The following PPFIBP1 variants were observed in gnomAD, a reference collection of about 807,000 sequenced individuals.
PPFIBP1 encodes the protein liprin-beta-1.
A neutral mutation model predicts 137.8 loss-of-function variants in PPFIBP1; 112 were observed. The ratio of observed to expected loss-of-function variants is 0.81; its 90% CI spans 0.70 to 0.95. PPFIBP1 has a LOEUF of 0.95. Among genes scored for constraint, PPFIBP1 ranks in the 40% least tolerant of loss-of-function variants. The pLI is 0.00. For synonymous variants in PPFIBP1, 378 were observed against 417.3 expected, an observed-to-expected ratio of 0.91 and a Z score of 1.15; for missense variants, 1,083 against 1,196.6, an observed-to-expected ratio of 0.91 and a Z score of 1.40.
intron 1 of PPFIBP1, among the ~76,000 whole-genome samples, chr12:27,549,965 G>A (rs1251427667): frequency 6.6e-6 from 1 of 152,242 alleles, no homozygotes; most frequent in Non-Finnish European, 1.5e-5. Flanking sequence ...GGACCTAGTG[G>A]TTAAGGACAC....
chr12:27,647,782 G>C lies in PPFIBP1; in HGVS notation c.411G>C (p.Leu137Phe), dbSNP rs2058625597. 6.2e-7 allele frequency: 1 copy of C among 1,611,252 alleles called. No individual in the cohort carries two copies. The highest frequency in any genetic ancestry group is 1.7e-5 in the Admixed American group (1 of 59,544). The change falls in exon 6 of 30, where the codon TTG becomes TTC. Residue 137 changes from leucine (L) to phenylalanine (F), a missense_variant. Leu to Phe is a conservative substitution (Grantham distance 22). Coordinates refer to ENST00000228425, the MANE Select transcript of PPFIBP1 (RefSeq NM_003622.4). Reference protein sequence around the residue: ...VEAQGEKIRDLEFCLEEHREK... With the variant: ...VEAQGEKIRDFEFCLEEHREK... The stretch of plus-strand genomic sequence containing the variant: ...CTCAGGGAGAGAAGATTCGAGATTT[G>C]GAGTTTTGTCTTGAAGAGCACAGAG...
At chr12:27,685,928 G>C (rs985070933) in intron 24 of PPFIBP1, among the ~76,000 whole-genome samples, 1 of 152,082 alleles carries the variant, frequency 6.6e-6, no homozygotes, top group African/African-American at 2.4e-5. Context: ...AGTCTGTTTT[G>C]ATATAAAATA....
Position 27,682,545 on chromosome 12 carries a change from T to A in PPFIBP1, c.2158+47T>A, listed in dbSNP as rs569474622. On this transcript the variant is annotated intron_variant, in intron 23 of 29. Coordinates refer to ENST00000228425, the MANE Select transcript of PPFIBP1 (RefSeq NM_003622.4). ...AAAATGAAATAATTATATACATAGT[T>A]GCTTTTTCTTTTTAATCACAAGAAC... 2.5e-6 allele frequency: 4 copies of A among 1,604,614 alleles called. No individual in the cohort carries two copies. In the East Asian group the frequency reaches 8.9e-5, roughly 36 times the overall value.
intron 4 of PPFIBP1, among the ~76,000 whole-genome samples, chr12:27,644,244 GTTTTTTTTTT>G (rs3842650): frequency 5.9e-5 from 7 of 117,766 alleles, no homozygotes; most frequent in East Asian, 5.5e-4. Flanking sequence ...GCTTGGCTAA[GTTTTTTTTTT>G]TTTTTTTTTT....
At chr12:27,617,573 T>A (rs1377707917) in intron 2 of PPFIBP1, among the ~76,000 whole-genome samples, 1 of 152,230 alleles carries the variant, frequency 6.6e-6, no homozygotes, top group Non-Finnish European at 1.5e-5. Context: ...GTTCCTTATA[T>A]GAAATGATGT....
At chr12:27,692,024 T>C in intron 28 of PPFIBP1, 96 bp downstream of exon 28, 1 of 1,064,274 alleles carries the variant, frequency 9.4e-7, no homozygotes, top group Non-Finnish European at 1.3e-6. Flanking sequence ...GACATTTTCT[T>C]CAAATAACTA....
At chr12:27,574,225 G>A (rs1042683277) in intron 1 of PPFIBP1, among the ~76,000 whole-genome samples, 6 of 152,280 alleles carry the variant, frequency 3.9e-5, no homozygotes, top group African/African-American at 1.4e-4. Context: ...CCATGTGATG[G>A]TTGTGGCTGG....
chr12:27,655,417 A>G (rs185274103), intron 8 of PPFIBP1, among the ~76,000 whole-genome samples: 13 of 152,384 alleles, frequency 8.5e-5, no homozygotes, highest in Admixed American at 8.5e-4. Flanking sequence ...TCAGAAATAC[A>G]TGAAATAATT....
intron 2 of PPFIBP1, among the ~76,000 whole-genome samples, chr12:27,596,314 A>T (rs867364596): frequency 1.3e-5 from 2 of 152,208 alleles, no homozygotes; most frequent in South Asian, 4.1e-4. Flanking sequence ...GTTAAATAAG[A>T]TGTTTAAGGA....
chr12:27,580,068 T>C (rs373343938), intron 2 of PPFIBP1, among the ~76,000 whole-genome samples: 10 of 152,112 alleles, frequency 6.6e-5, no homozygotes, highest in African/African-American at 1.9e-4. Flanking sequence ...ATCTTACCAA[T>C]CAGATCAAGA....
intron 1 of PPFIBP1, among the ~76,000 whole-genome samples, chr12:27,549,794 C>T (rs138610866): frequency 0.012 from 1,782 of 152,264 alleles, 18 homozygotes; most frequent in Non-Finnish European, 0.014. Flanking sequence ...CACAACTGCC[C>T]CGCCCTCTCC....
intron 4 of PPFIBP1, 53 bp downstream of exon 4, chr12:27,635,168 A>AAATTT (rs1565909573): frequency 6.4e-7 from 1 of 1,572,110 alleles, no homozygotes; most frequent in Non-Finnish European, 8.7e-7. Flanking sequence ...GCTTATTCCA[A>AAATTT]AATTTAGAAC....
In PPFIBP1 at chr12:27,692,837, C is replaced by A; in HGVS notation, c.2973C>A (p.Ala991=). The change falls in exon 30 of 30, where the codon GCC becomes GCA. Residue 991 remains alanine (A), a synonymous_variant. Coordinates refer to ENST00000228425, the MANE Select transcript of PPFIBP1 (RefSeq NM_003622.4). Reference sequence around the variant, plus strand: ...ATGACATGTTTAAAGATTTTGCTGCCCGTTCCCCCAGTGCCAGCATTACAG... The same window carrying A: ...ATGACATGTTTAAAGATTTTGCTGCACGTTCCCCCAGTGCCAGCATTACAG... ...KEDDMFKDFA[A]RSPSASITDE... is the part of the protein sequence containing the mutation. 1 of 1,614,136 alleles carries A rather than the reference C, an allele frequency of 6.2e-7. No individual in the cohort carries two copies. Among genetic ancestry groups the A allele is most frequent in the South Asian group, 1.1e-5 (1 of 91,076 alleles).
intron 24 of PPFIBP1, 147 bp from the exon 25 acceptor site, chr12:27,687,238 A>C: frequency 1.1e-6 from 1 of 908,818 alleles, no homozygotes; most frequent in Non-Finnish European, 1.5e-6. Context: ...ATTTTGTTCC[A>C]AATGGGAAAG....
intron 2 of PPFIBP1, among the ~76,000 whole-genome samples, chr12:27,611,554 A>G (rs2055113629): frequency 6.6e-6 from 1 of 152,196 alleles, no homozygotes; most frequent in South Asian, 2.1e-4. Context: ...TAAATTTTGA[A>G]AGGACATAAT....
chr12:27,553,335 T>G (rs1272058401), intron 1 of PPFIBP1, among the ~76,000 whole-genome samples: 1 of 152,204 alleles, frequency 6.6e-6, no homozygotes, highest in Non-Finnish European at 1.5e-5. Flanking sequence ...ACACTCTGGA[T>G]GAATGCTGTT....
chr12:27,666,371 A>C (rs1401517042), intron 12 of PPFIBP1, among the ~76,000 whole-genome samples: 1 of 152,242 alleles, frequency 6.6e-6, no homozygotes, highest in Non-Finnish European at 1.5e-5. Context: ...ACTAAATTCT[A>C]ATAGAATTAG....
At chr12:27,617,790 T>C (rs2055924802) in intron 2 of PPFIBP1, among the ~76,000 whole-genome samples, 1 of 152,196 alleles carries the variant, frequency 6.6e-6, no homozygotes, top group African/African-American at 2.4e-5. Flanking sequence ...ACTATATATA[T>C]GTATGTATAT....
At chr12:27,605,251 A>G (rs1317974170) in intron 2 of PPFIBP1, among the ~76,000 whole-genome samples, 1 of 152,196 alleles carries the variant, frequency 6.6e-6, no homozygotes, top group South Asian at 2.1e-4. Flanking sequence ...TATAAAAACA[A>G]TACAGTATGG....
Sources: allele counts gnomAD v4.1 joint callset (sites outside exome capture counted in the v4.1 genomes callset), GRCh38; gene constraint gnomAD v4.1.1; transcripts MANE v1.5; gene names NCBI Gene and HGNC (gene_info 2026-07-23, HGNC 2026-07-21).